AXIN1: variants seen among roughly 807,000 people sequenced by gnomAD.
AXIN1 encodes the protein axin-1.
Under a neutral mutation model 76.4 loss-of-function variants are expected in AXIN1, and 30 were observed. The ratio of observed to expected loss-of-function variants is 0.39; its 90% CI spans 0.29 to 0.53. The LOEUF (loss-of-function observed/expected upper bound fraction) is 0.53. Ranked by LOEUF, AXIN1 falls within the 20% of genes least tolerant of loss-of-function variation. The pLI is 0.66. For missense variants in AXIN1, 1,140 were observed against 1,198.8 expected (o/e 0.95, Z 0.72); for synonymous variants, 545 against 501.4 (o/e 1.09, Z -1.16).
At position 293,583 on chromosome 16, in the gene AXIN1, G is replaced by T. The variant is rs1262571528; in HGVS notation, c.2091C>A (p.Pro697=). 2.5e-6 allele frequency: 4 copies of T among 1,612,758 alleles called. No individual in the cohort carries two copies. The South Asian group carries it at 4.4e-5, about 18-fold the overall frequency. ...GGGTTAGGGGGTTGGGAGCTGGGTG[G>T]GGTGGCATGGTGGGGTCTTGGATGA... The part of the protein sequence containing the change: ...HLFIQDPTMP[P]HPAPNPLTQL... The change falls in exon 8 of 11, where the codon CCC becomes CCA. Residue 697 remains proline (P), a synonymous_variant. Coordinates refer to ENST00000262320, the MANE Select transcript of AXIN1 (RefSeq NM_003502.4). This position sits in a 1 kb window ranked among gnomAD's most constrained non-coding sequence, Gnocchi z 4.6.
At chr16:300,789 A>C (rs1345877453) in intron 5 of AXIN1, among the ~76,000 whole-genome samples, 1 of 152,120 alleles carries the variant, frequency 6.6e-6, no homozygotes, top group Admixed American at 6.5e-5. Flanking sequence ...TCTGGGGAGA[A>C]ATCTTAACCG....
rs117275458 is a variant in AXIN1 at position 322,027 on chromosome 16, G to A, written c.879-7344C>T. Among the ~76,000 whole-genome samples, 1,264 of 152,352 alleles carry A rather than the reference G, an allele frequency of 8.3e-3. 8 individuals carry two copies. Among genetic ancestry groups the A allele is most frequent in the Non-Finnish European group, 0.01 (701 of 68,032 alleles). ...GCCCTGGATGATAAGCCAGGAATGA[G>A]CCAATGAAAGCCCAATTCCAAGTGA... On this transcript the variant is annotated intron_variant, in intron 2 of 10. Coordinates refer to ENST00000262320, the MANE Select transcript of AXIN1 (RefSeq NM_003502.4).
At chr16:318,020 A>C (rs538124347) in intron 2 of AXIN1, among the ~76,000 whole-genome samples, 18 of 152,196 alleles carry the variant, frequency 1.2e-4, no homozygotes, top group Non-Finnish European at 2.2e-4. Context: ...AGCCCACGGC[A>C]CTTGGTGCGT....
chr16:322,253 C>A (rs780677039), intron 2 of AXIN1, among the ~76,000 whole-genome samples: 1 of 152,100 alleles, frequency 6.6e-6, no homozygotes, highest in African/African-American at 2.4e-5. Flanking sequence ...AGGAGGTGAC[C>A]GAGGGGCAGC....
intron 3 of AXIN1, among the ~76,000 whole-genome samples, chr16:311,321 C>T (rs11647223): frequency 0.44 from 66,305 of 151,350 alleles, 14,802 homozygotes; most frequent in South Asian, 0.65. Context: ...TGCGCCACCG[C>T]GCCCAGCCCG....
chr16:291,901 C>G (rs1159635280), intron 8 of AXIN1: 1 of 161,902 alleles, frequency 6.2e-6, no homozygotes, highest in Non-Finnish European at 1.4e-5. Flanking sequence ...CACAGCTTCT[C>G]GCAAAAACCC....
chr16:338,877 C>T (rs1278561556), intron 2 of AXIN1, among the ~76,000 whole-genome samples: 6 of 151,012 alleles, frequency 4.0e-5, no homozygotes, highest in South Asian at 4.2e-4. Flanking sequence ...GAGCTGAGAT[C>T]GCGCCATTGC....
chr16:345,323 A>C (rs532480878), intron 2 of AXIN1, among the ~76,000 whole-genome samples: 1 of 152,308 alleles, frequency 6.6e-6, no homozygotes, highest in South Asian at 2.1e-4. Flanking sequence ...CACTATAGCC[A>C]CAGGAAGTTT....
chr16:314,704 C>T (rs756185748), intron 2 of AXIN1, 21 bp from the exon 3 acceptor site: 29 of 1,612,690 alleles, frequency 1.8e-5, no homozygotes, highest in Non-Finnish European at 2.2e-5. Flanking sequence ...GCAAGCAGGG[C>T]ATGTTAGTGA....
chr16:289,939 A>G (rs974167312), intron 9 of AXIN1: 4 of 466,316 alleles, frequency 8.6e-6, no homozygotes, highest in African/African-American at 5.9e-5. Context: ...TATCTCAGGA[A>G]GACCTACGGC....
At position 325,328 on chromosome 16, in the gene AXIN1, G is replaced by A. The variant is rs565393653; in HGVS notation, c.879-10645C>T. Among the ~76,000 whole-genome samples, 9 of 152,240 alleles carry A rather than the reference G, an allele frequency of 5.9e-5. No individual in the cohort carries two copies. The East Asian group carries it at 7.7e-4, about 13-fold the overall frequency. On this transcript the variant is annotated intron_variant, in intron 2 of 10. Coordinates refer to ENST00000262320, the MANE Select transcript of AXIN1 (RefSeq NM_003502.4). ...CCCCCGCTGCTCCGGCGCCCCCTCC[G>A]CTCTGGCTTTCTTCACTGGCACAGG...
intron 2 of AXIN1, among the ~76,000 whole-genome samples, chr16:320,674 T>G (rs538307189): frequency 6.7e-6 from 1 of 150,242 alleles, no homozygotes; most frequent in Admixed American, 6.6e-5. Context: ...TATGTAAATG[T>G]ATATATGTGT....
At chr16:305,331 G>A (rs375261696) in intron 4 of AXIN1, among the ~76,000 whole-genome samples, 2 of 152,200 alleles carry the variant, frequency 1.3e-5, no homozygotes, top group African/African-American at 2.4e-5. Flanking sequence ...TTAATTAGCC[G>A]GGTGTGGTGG....
chr16:289,213 G>A (rs2052481015), intron 10 of AXIN1, among the ~76,000 whole-genome samples: 1 of 152,012 alleles, frequency 6.6e-6, no homozygotes, highest in Admixed American at 6.6e-5. Context: ...AGCCTCCCAA[G>A]TAGCACACCT....
intron 1 of AXIN1, 86 bp downstream of exon 1, chr16:352,283 C>T: frequency 1.2e-6 from 1 of 835,142 alleles, no homozygotes; most frequent in Non-Finnish European, 1.4e-6. Context: ...CCACGCGCGT[C>T]AGCCACCCGC....
At chr16:311,850 C>A (rs1023393529) in intron 3 of AXIN1, among the ~76,000 whole-genome samples, 1 of 152,174 alleles carries the variant, frequency 6.6e-6, no homozygotes, top group Admixed American at 6.5e-5. Flanking sequence ...ACCCAGGGGC[C>A]TCTCAGAGCT....
chr16:330,423 T>C (rs1214927389), intron 2 of AXIN1, among the ~76,000 whole-genome samples: 1 of 152,174 alleles, frequency 6.6e-6, no homozygotes, highest in Admixed American at 6.5e-5. Flanking sequence ...CTGAAAACTA[T>C]GCAATAATGT....
At chr16:297,663 C>A (rs2141507361) in intron 6 of AXIN1, 59 bp downstream of exon 6, 1 of 1,504,118 alleles carries the variant, frequency 6.6e-7, no homozygotes, top group Non-Finnish European at 8.8e-7. Flanking sequence ...AGGTTCTGGC[C>A]TTCTGCAGGG....
In AXIN1 at chr16:293,650, G is replaced by T. The variant is rs139203196; in HGVS notation, c.2024C>A (p.Ala675Asp). 2.5e-6 allele frequency: 4 copies of T among 1,613,658 alleles called. No homozygotes were observed. The highest frequency in any genetic ancestry group is 3.4e-6 in the Non-Finnish European group (4 of 1,180,026). Residue 675 changes from alanine (A) to aspartate (D), a missense_variant, in exon 8 of 11, where the codon GCC becomes GAC. Transcript: ENST00000262320. This position sits in a 1 kb window ranked among gnomAD's most constrained non-coding sequence, Gnocchi z 4.6. ...SRPLSLEHPWAGPQLRTSVQP... is the reference protein window; with the variant it reads ...SRPLSLEHPWDGPQLRTSVQP... ...CACGGAGGTCCGGAGCTGAGGGCCGGCCCAGGGGTGCTCAAGGGACAAGGG... is the reference window on the plus strand; with the variant it reads ...CACGGAGGTCCGGAGCTGAGGGCCGTCCCAGGGGTGCTCAAGGGACAAGGG...
Sources: gnomAD v4.1 joint callset for allele counts (sites outside exome capture counted in the v4.1 genomes callset) on GRCh38, gnomAD v4.1.1 for gene constraint, Gnocchi (gnomAD v3.1) non-coding constraint, MANE v1.5 for transcripts, NCBI Gene and HGNC (gene_info 2026-07-23, HGNC 2026-07-21) for gene names.